The following FGGY variants were observed in gnomAD, a reference collection of about 807,000 sequenced individuals.
FGGY encodes FGGY carbohydrate kinase domain containing.
Under a neutral mutation model 71.3 loss-of-function variants are expected in FGGY, and 72 were observed. That is an observed-to-expected ratio of 1.01 (90% CI 0.84 to 1.23). The LOEUF is 1.23. FGGY is among the 50% of genes most tolerant of loss of function. The pLI is 0.00. For synonymous variants in FGGY, 251 were observed against 250.3 expected, an observed-to-expected ratio of 1.00 and a Z score of -0.02; for missense variants, 668 against 682.3, an observed-to-expected ratio of 0.98 and a Z score of 0.23.
At chr1:59,551,652 C>G (rs1391901364) in intron 7 of FGGY, among the ~76,000 whole-genome samples, 1 of 152,088 alleles carries the variant, frequency 6.6e-6, no homozygotes, top group African/African-American at 2.4e-5. Context: ...AGAACCAGCA[C>G]TTTGGAATCA....
At chr1:59,335,828 A>T (rs1456622716) in intron 2 of FGGY, among the ~76,000 whole-genome samples, 1 of 152,126 alleles carries the variant, frequency 6.6e-6, no homozygotes, top group Non-Finnish European at 1.5e-5. Context: ...AAGTGTCCAC[A>T]TCTTTTGCCA....
At position 59,661,161 on chromosome 1, in the gene FGGY, C is replaced by A. The variant is rs189345798; in HGVS notation, c.1296+868C>A. 2.0e-5 allele frequency among the ~76,000 whole-genome samples: 3 copies of A among 152,146 alleles called. No individual in the cohort carries two copies. In the East Asian group the frequency reaches 5.8e-4, roughly 29 times the overall value. On this transcript the variant is annotated intron_variant, in intron 12 of 15. Transcript: ENST00000303721. Reference sequence around the variant, plus strand: ...TTAAGCAAATATGTTTAATGCTATACGTACATATATGATATTCAATTATTC... The same window carrying A: ...TTAAGCAAATATGTTTAATGCTATAAGTACATATATGATATTCAATTATTC...
chr1:59,349,243 G>A (rs1386349018), intron 4 of FGGY, among the ~76,000 whole-genome samples: 1 of 152,140 alleles, frequency 6.6e-6, no homozygotes, highest in East Asian at 1.9e-4. Flanking sequence ...TGTGAAGCAT[G>A]GCTCTTGGCG....
At chr1:59,675,884 A>G (rs865801146) in intron 14 of FGGY, among the ~76,000 whole-genome samples, 13 of 152,126 alleles carry the variant, frequency 8.5e-5, no homozygotes, top group African/African-American at 3.1e-4. Flanking sequence ...GGAGCTAATT[A>G]GGGTTAGATG....
Position 59,346,381 on chromosome 1 carries a change from C to CT in FGGY, c.450dup (p.Leu151SerfsTer14), listed in dbSNP as rs2051909281. 1 of 1,611,384 alleles carries CT rather than the reference C, an allele frequency of 6.2e-7. No homozygotes were observed. Among genetic ancestry groups the CT allele is most frequent in the Non-Finnish European group, 8.5e-7 (1 of 1,179,480 alleles). On this transcript the variant is annotated frameshift_variant, in exon 4 of 16. Transcript: ENST00000303721. LOFTEE classifies it high-confidence loss of function. ...GTCTGTGGAAATGCAGGCCCCGAAA[C>CT]TTCTGTGGCTGAAAGAGGTGAGTGC...
chr1:59,587,035 C>A (rs868795260), intron 8 of FGGY, among the ~76,000 whole-genome samples: 2 of 152,218 alleles, frequency 1.3e-5, no homozygotes, highest in Non-Finnish European at 1.5e-5. Flanking sequence ...AGTTCCCTTT[C>A]CTAGTCAAAG....
chr1:59,487,772 T>C (rs1344256965), intron 6 of FGGY, among the ~76,000 whole-genome samples: 7 of 152,154 alleles, frequency 4.6e-5, no homozygotes, highest in African/African-American at 1.7e-4. Context: ...CTCCCCTACC[T>C]CTAAATGCTC....
chr1:59,725,729 A>G (rs909616422), intron 14 of FGGY, among the ~76,000 whole-genome samples: 3 of 151,984 alleles, frequency 2.0e-5, no homozygotes, highest in Admixed American at 1.3e-4. Context: ...TTGACTCTTG[A>G]ATATTAACCC....
intron 2 of FGGY, among the ~76,000 whole-genome samples, chr1:59,324,577 A>G (rs952126899): frequency 6.6e-6 from 1 of 152,154 alleles, no homozygotes; most frequent in African/African-American, 2.4e-5. Flanking sequence ...CGCCCGGCCA[A>G]TAACTACTTT....
intron 5 of FGGY, among the ~76,000 whole-genome samples, chr1:59,436,988 T>C (rs536927450): frequency 6.6e-6 from 1 of 152,278 alleles, no homozygotes; most frequent in South Asian, 2.1e-4. Flanking sequence ...TGACCCATTG[T>C]TAATTAGAGC....
chr1:59,347,726 A>G (rs1343428235), intron 4 of FGGY, among the ~76,000 whole-genome samples: 4 of 152,208 alleles, frequency 2.6e-5, no homozygotes, highest in Non-Finnish European at 2.9e-5. Flanking sequence ...TATTTAATAA[A>G]TGGTGCTGGG....
At chr1:59,503,040 A>G (rs2094276648) in intron 6 of FGGY, among the ~76,000 whole-genome samples, 1 of 152,182 alleles carries the variant, frequency 6.6e-6, no homozygotes, top group Non-Finnish European at 1.5e-5. Context: ...TACATGGTAT[A>G]GTAGGAAGAC....
intron 4 of FGGY, among the ~76,000 whole-genome samples, chr1:59,362,547 A>G (rs2055770645): frequency 1.3e-5 from 2 of 152,166 alleles, no homozygotes; most frequent in African/African-American, 2.4e-5. Flanking sequence ...CTCCATGGCC[A>G]TGGATGCTGC....
chr1:59,583,883 G>C (rs1293992473), intron 8 of FGGY, among the ~76,000 whole-genome samples: 1 of 131,634 alleles, frequency 7.6e-6, no homozygotes, highest in Non-Finnish European at 1.6e-5. Context: ...TGACCGTGCA[G>C]GGTGGAAGCA....
chr1:59,415,929 G>T (rs2064332637), intron 5 of FGGY, among the ~76,000 whole-genome samples: 1 of 152,182 alleles, frequency 6.6e-6, no homozygotes. Flanking sequence ...TTTGGGTCAA[G>T]TGTACCTACA....
chr1:59,551,918 C>T (rs1173440127), intron 7 of FGGY, among the ~76,000 whole-genome samples: 1 of 152,130 alleles, frequency 6.6e-6, no homozygotes, highest in Non-Finnish European at 1.5e-5. Flanking sequence ...AATCGTGTCA[C>T]TCAGGATTCA....
chr1:59,607,003 C>T (rs1392043931), intron 8 of FGGY, among the ~76,000 whole-genome samples: 1 of 152,186 alleles, frequency 6.6e-6, no homozygotes, highest in Non-Finnish European at 1.5e-5. Context: ...GGTAGCAGTA[C>T]ATATTTGTAA....
At chr1:59,417,256 A>AT (rs35883764) in intron 5 of FGGY, among the ~76,000 whole-genome samples, 14,616 of 152,016 alleles carry the variant, frequency 0.096, 1,110 homozygotes, top group African/African-American at 0.21. Context: ...TGTGCCAGTA[A>AT]TTTTTTTATC....
rs762580645 is a variant in FGGY, at chr1:59,674,152, G to T, written c.1512+19G>T. The T allele has an allele frequency of 1.9e-6, 3 of 1,601,038 alleles. No homozygotes were observed. The highest frequency in any genetic ancestry group is 2.2e-5 in the South Asian group (2 of 90,026). On this transcript the variant is annotated intron_variant, in intron 14 of 15. Transcript: ENST00000303721. Reference sequence around the variant, plus strand: ...TGTACAGGTATGTGAAGACCAGGGGGTGGGCTGTGGCTCCTCCCCTGTCTG... The same window carrying T: ...TGTACAGGTATGTGAAGACCAGGGGTTGGGCTGTGGCTCCTCCCCTGTCTG...
Sources: allele counts gnomAD v4.1 joint callset (sites outside exome capture counted in the v4.1 genomes callset), GRCh38; gene constraint gnomAD v4.1.1; transcripts MANE v1.5; gene names NCBI Gene and HGNC (gene_info 2026-07-23, HGNC 2026-07-21).